The following SIL1 variants were observed in gnomAD, a reference collection of about 807,000 sequenced individuals.
SIL1 encodes the protein nucleotide exchange factor SIL1.
SIL1 carries 40 observed loss-of-function variants against 49.1 expected under a neutral mutation model. The observed-to-expected ratio is 0.81, with a 90% CI of 0.63 to 1.06. The LOEUF (loss-of-function observed/expected upper bound fraction) is 1.06, where lower values mean the gene tolerates loss of function less well. Among genes scored for constraint, SIL1 ranks in the 50% least tolerant of loss-of-function variants. The pLI is 0.00. For synonymous variants in SIL1, 253 were observed against 250.8 expected, an observed-to-expected ratio of 1.01 and a Z score of -0.08; for missense variants, 500 against 572.6, an observed-to-expected ratio of 0.87 and a Z score of 1.29.
intron 2 of SIL1, among the ~76,000 whole-genome samples, chr5:139,125,354 G>A (rs968237575): frequency 1.3e-5 from 2 of 152,186 alleles, no homozygotes; most frequent in Non-Finnish European, 2.9e-5. Flanking sequence ...GCTGACAACA[G>A]CTTACCATGT....
intron 1 of SIL1, chr5:139,187,610 C>T (rs1388939264): frequency 3.3e-5 from 5 of 151,798 alleles, no homozygotes; most frequent in Non-Finnish European, 5.9e-5. Flanking sequence ...CAGAGGACCA[C>T]GTGGATCAGT....
At chr5:139,180,973 A>T (rs1379904273) in intron 1 of SIL1, among the ~76,000 whole-genome samples, 1 of 152,154 alleles carries the variant, frequency 6.6e-6, no homozygotes, top group Non-Finnish European at 1.5e-5. Context: ...GCAGCCATTC[A>T]TTGTGCTGTA....
chr5:139,051,994 C>CTT (rs1769298799), intron 3 of SIL1, among the ~76,000 whole-genome samples: 1 of 152,176 alleles, frequency 6.6e-6, no homozygotes, highest in African/African-American at 2.4e-5. Context: ...ACAACCTGGA[C>CTT]TTTGACTCTG....
At chr5:139,020,599 G>A (rs1768498769) in intron 7 of SIL1, among the ~76,000 whole-genome samples, 1 of 152,194 alleles carries the variant, frequency 6.6e-6, no homozygotes, top group Non-Finnish European at 1.5e-5. Flanking sequence ...GAATGATGTG[G>A]TGCCTACATA....
chr5:138,956,165 A>G (rs1766897126), intron 7 of SIL1, among the ~76,000 whole-genome samples: 1 of 152,214 alleles, frequency 6.6e-6, no homozygotes, highest in Non-Finnish European at 1.5e-5. Flanking sequence ...TTTTCTTCTG[A>G]AATGCCTCTG....
chr5:138,999,675 C>T (rs374317979), intron 7 of SIL1, among the ~76,000 whole-genome samples: 2 of 152,108 alleles, frequency 1.3e-5, no homozygotes, highest in South Asian at 2.1e-4. Flanking sequence ...AGAATAAATG[C>T]TACTGGTTTT....
intron 3 of SIL1, among the ~76,000 whole-genome samples, chr5:139,111,752 T>C (rs982531546): frequency 6.6e-6 from 1 of 152,340 alleles, no homozygotes; most frequent in South Asian, 2.1e-4. Flanking sequence ...TCATCTTTCT[T>C]CATCTCCTCA....
chr5:139,038,179 G>A (rs531127131), intron 5 of SIL1, among the ~76,000 whole-genome samples: 25 of 152,236 alleles, frequency 1.6e-4, no homozygotes, highest in Non-Finnish European at 3.5e-4. Context: ...TAAATTTGGG[G>A]GAGACACAAA....
chr5:139,153,807 G>A (rs1024339297), intron 1 of SIL1, among the ~76,000 whole-genome samples: 4 of 152,230 alleles, frequency 2.6e-5, no homozygotes, highest in African/African-American at 9.6e-5. Flanking sequence ...TCATAACGGT[G>A]AGGTATCGGA....
intron 7 of SIL1, among the ~76,000 whole-genome samples, chr5:138,990,023 G>A (rs1207046202): frequency 6.6e-6 from 1 of 152,170 alleles, no homozygotes; most frequent in African/African-American, 2.4e-5. Context: ...GCGTGCGACA[G>A]GAATTTCACG....
intron 5 of SIL1, among the ~76,000 whole-genome samples, chr5:139,032,010 T>C (rs1434010772): frequency 6.6e-6 from 1 of 152,200 alleles, no homozygotes; most frequent in Non-Finnish European, 1.5e-5. Flanking sequence ...GAAGACTTTT[T>C]TTTGGAGGCT....
chr5:139,098,386 C>T (rs1240689607), intron 3 of SIL1, among the ~76,000 whole-genome samples: 2 of 152,104 alleles, frequency 1.3e-5, no homozygotes, highest in Non-Finnish European at 2.9e-5. Context: ...AACTGGATAT[C>T]CATATGCAGA....
rs755486409 is a variant in SIL1, at chr5:138,951,208, C to T, written c.992G>A (p.Arg331His). ...CAGGTCGTAGAGCAGTGTGACCACG[C>T]GCACGGCGAGCACCTCCGTGCCCTT... is the stretch of plus-strand genomic sequence containing the variant. Reference protein sequence around the residue: ...QEKGTEVLAVRVVTLLYDLVT... With the variant: ...QEKGTEVLAVHVVTLLYDLVT... Residue 331 changes from arginine (R) to histidine (H), a missense_variant, in exon 9 of 10, where the codon CGC becomes CAC. Physicochemically the swap from Arg to His is conservative, Grantham distance 29. Coordinates refer to ENST00000394817, the MANE Select transcript of SIL1 (RefSeq NM_022464.5). 52 of 1,610,236 alleles carry T rather than the reference C, an allele frequency of 3.2e-5. No homozygotes were observed. The highest frequency in any genetic ancestry group is 1.6e-4 in the Middle Eastern group (1 of 6,082).
chr5:139,081,243 T>C (rs1770069139), intron 3 of SIL1, among the ~76,000 whole-genome samples: 1 of 152,206 alleles, frequency 6.6e-6, no homozygotes, highest in African/African-American at 2.4e-5. Flanking sequence ...AGATGTGGCC[T>C]GCAATATAAA....
chr5:138,947,487 C>A lies in SIL1; in HGVS notation c.1030-14G>T. On this transcript the variant is annotated splice_polypyrimidine_tract_variant and intron_variant, in intron 9 of 9. Coordinates refer to ENST00000394817, the MANE Select transcript of SIL1 (RefSeq NM_022464.5). The surrounding 1 kb of genome is among the most constrained non-coding windows in gnomAD (Gnocchi z 4.1). ...CTCGGCGAACATCTGCCATCCGCCACAGCCGCAGGCCAGGTAGGGTGGGGG... is the reference window on the plus strand; with the variant it reads ...CTCGGCGAACATCTGCCATCCGCCAAAGCCGCAGGCCAGGTAGGGTGGGGG... The A allele has an allele frequency of 1.2e-6, 2 of 1,611,466 alleles. No homozygotes were observed. Among genetic ancestry groups the A allele is most frequent in the Non-Finnish European group, 1.7e-6 (2 of 1,178,206 alleles).
intron 7 of SIL1, among the ~76,000 whole-genome samples, chr5:139,007,218 A>G (rs1363687439): frequency 2.0e-4 from 27 of 135,314 alleles, no homozygotes; most frequent in Non-Finnish European, 3.2e-4. Context: ...TTCTCTTTGA[A>G]GCAATTGTGA....
intron 1 of SIL1, among the ~76,000 whole-genome samples, chr5:139,129,621 G>A (rs1169882273): frequency 6.6e-6 from 1 of 152,190 alleles, no homozygotes; most frequent in African/African-American, 2.4e-5. Flanking sequence ...GCAGTGAGCC[G>A]AGATCACGCC....
chr5:139,068,779 T>C (rs112611955), intron 3 of SIL1, among the ~76,000 whole-genome samples: 2,794 of 152,030 alleles, frequency 0.018, 41 homozygotes, highest in South Asian at 0.058. Flanking sequence ...GAAAGTATTA[T>C]GGTACAATCC....
At chr5:139,058,334 T>TAA (rs760376834) in intron 3 of SIL1, among the ~76,000 whole-genome samples, 4 of 141,288 alleles carry the variant, frequency 2.8e-5, no homozygotes, top group African/African-American at 5.2e-5. Context: ...GTGGGTAAAC[T>TAA]AAAAAAAAAA....
Sources: gnomAD v4.1 joint callset for allele counts (sites outside exome capture counted in the v4.1 genomes callset) on GRCh38, gnomAD v4.1.1 for gene constraint, Gnocchi (gnomAD v3.1) non-coding constraint, MANE v1.5 for transcripts, NCBI Gene and HGNC (gene_info 2026-07-23, HGNC 2026-07-21) for gene names.